Variants in SRGAP1 observed in about 807,000 individuals in gnomAD.
The protein encoded by SRGAP1 is SLIT-ROBO Rho GTPase-activating protein 1.
A neutral mutation model predicts 121.9 loss-of-function variants in SRGAP1; 43 were observed. The ratio of observed to expected loss-of-function variants is 0.35; its 90% confidence interval spans 0.28 to 0.46. The LOEUF is 0.46. SRGAP1 is among the 20% of genes least tolerant of loss of function. The probability of loss-of-function intolerance (pLI) is 1.00; values close to 1 mark genes in which losing one functional copy is unlikely to be tolerated. For synonymous variants in SRGAP1, 447 were observed against 485.4 expected, an observed-to-expected ratio of 0.92 and a Z score of 1.04; for missense variants, 1,102 against 1,350.9, an observed-to-expected ratio of 0.82 and a Z score of 2.89.
intron 18 of SRGAP1, among the ~76,000 whole-genome samples, chr12:64,123,647 T>G (rs544336867): frequency 0.065 from 3,122 of 48,124 alleles, 129 homozygotes; most frequent in African/African-American, 0.19. Flanking sequence ...CTAAAGGATT[T>G]ATTTATTTAT....
At chr12:63,931,068 TA>T (rs2031459932) in intron 1 of SRGAP1, among the ~76,000 whole-genome samples, 2 of 152,212 alleles carry the variant, frequency 1.3e-5, no homozygotes, top group Admixed American at 1.3e-4. Flanking sequence ...TCCAGTCACG[TA>T]AAGGGAATCT....
chr12:63,882,568 A>G (rs939957772), intron 1 of SRGAP1, among the ~76,000 whole-genome samples: 1 of 152,152 alleles, frequency 6.6e-6, no homozygotes, highest in Non-Finnish European at 1.5e-5. Context: ...ACAGGCGTGA[A>G]CTACCACGCC....
intron 1 of SRGAP1, among the ~76,000 whole-genome samples, chr12:63,861,192 T>TA (rs1314147377): frequency 7.0e-6 from 1 of 143,352 alleles, no homozygotes; most frequent in Non-Finnish European, 1.5e-5. Flanking sequence ...TTTTTTTTTT[T>TA]AATAGAGACA....
chr12:63,855,529 C>T (rs958202210), intron 1 of SRGAP1, among the ~76,000 whole-genome samples: 1 of 120,842 alleles, frequency 8.3e-6, no homozygotes, highest in Non-Finnish European at 1.6e-5. Flanking sequence ...ACTCTATCAG[C>T]CAGGCTAGGG....
chr12:64,142,562 C>A lies in SRGAP1; in HGVS notation c.3148C>A (p.Leu1050Met). Residue 1050 changes from leucine (L) to methionine (M), a missense_variant, in exon 22 of 22, where the codon CTG (leucine) becomes ATG (methionine). Around this residue, in one of 3 missense-constraint regions of SRGAP1, gnomAD observed 315 missense variants for 343.1 expected, o/e 0.92. Coordinates refer to ENST00000355086, the MANE Select transcript of SRGAP1 (RefSeq NM_020762.4). Reference sequence around the variant, plus strand: ...GGTGGCACCCAGAATGGGCGTGCAGCTGAAGCCTCCAGCCCTTAGGCCAAA... The same window carrying A: ...GGTGGCACCCAGAATGGGCGTGCAGATGAAGCCTCCAGCCCTTAGGCCAAA... Reference protein sequence around the residue: ...PMVAPRMGVQLKPPALRPKPA... With the variant: ...PMVAPRMGVQMKPPALRPKPA... 6.2e-7 allele frequency: 1 copy of A among 1,614,234 alleles called. No individual in the cohort carries two copies.
intron 1 of SRGAP1, among the ~76,000 whole-genome samples, chr12:63,925,317 C>A (rs944963909): frequency 1.3e-5 from 2 of 152,114 alleles, no homozygotes; most frequent in African/African-American, 4.8e-5. Context: ...AAATGCTAAG[C>A]TTTTACACTT....
intron 1 of SRGAP1, chr12:63,879,125 C>T (rs1213152490): frequency 6.6e-6 from 1 of 152,162 alleles, no homozygotes; most frequent in Non-Finnish European, 1.5e-5. Context: ...CCACCTCAGC[C>T]TCCTGAACAG....
At chr12:63,899,336 C>T (rs61937067) in intron 1 of SRGAP1, among the ~76,000 whole-genome samples, 1 of 149,230 alleles carries the variant, frequency 6.7e-6, no homozygotes, top group African/African-American at 2.5e-5. Context: ...GATCCTGTCT[C>T]CAAAAAAAAA....
At chr12:64,077,021 A>T (rs1392773434) in intron 8 of SRGAP1, among the ~76,000 whole-genome samples, 1 of 152,228 alleles carries the variant, frequency 6.6e-6, no homozygotes, top group African/African-American at 2.4e-5. Flanking sequence ...TATGAAAAAC[A>T]TCACACAAAT....
At chr12:63,947,157 G>A (rs528743544) in intron 1 of SRGAP1, among the ~76,000 whole-genome samples, 5 of 152,306 alleles carry the variant, frequency 3.3e-5, no homozygotes, top group African/African-American at 1.2e-4. Flanking sequence ...GTACTTAGGA[G>A]TAGAATAGCC....
chr12:64,127,866 G>A lies in SRGAP1; in HGVS notation c.2546G>A (p.Arg849Gln), dbSNP rs766317341. 5.7e-5 allele frequency: 92 copies of A among 1,608,232 alleles called. No homozygotes were observed. The highest frequency in any genetic ancestry group is 7.6e-5 in the Non-Finnish European group (90 of 1,176,504). The change falls in exon 21 of 22, where the codon CGA becomes CAA. Residue 849 changes from arginine (R) to glutamine (Q), a missense_variant. Physicochemically the swap from Arg to Gln is conservative, Grantham distance 43. Around this residue, in one of 3 missense-constraint regions of SRGAP1, gnomAD observed 315 missense variants for 343.1 expected, o/e 0.92. Coordinates refer to ENST00000355086, the MANE Select transcript of SRGAP1 (RefSeq NM_020762.4). ...CTGTTTCTGTGAATGTCTAGGCAACGAAAAAGAGGAGAGCCACCCCCTCCA... is the reference window on the plus strand; with the variant it reads ...CTGTTTCTGTGAATGTCTAGGCAACAAAAAAGAGGAGAGCCACCCCCTCCA... ...RHPDGYLARQ[R>Q]KRGEPPPPVR...
At chr12:64,062,808 G>A (rs2035473519) in intron 6 of SRGAP1, 109 bp from the exon 7 acceptor site, 2 of 731,826 alleles carry the variant, frequency 2.7e-6, no homozygotes, top group South Asian at 1.9e-5. Flanking sequence ...TGTCATGAAA[G>A]CTTACCCCCA....
At chr12:64,006,684 A>G (rs1416146028) in intron 3 of SRGAP1, among the ~76,000 whole-genome samples, 1 of 152,160 alleles carries the variant, frequency 6.6e-6, no homozygotes, top group African/African-American at 2.4e-5. Context: ...TTATCCTATC[A>G]TGTGAGTTGT....
intron 1 of SRGAP1, among the ~76,000 whole-genome samples, chr12:63,892,801 A>G (rs1412153920): frequency 6.6e-6 from 1 of 152,228 alleles, no homozygotes; most frequent in Non-Finnish European, 1.5e-5. Flanking sequence ...TAGATGCCTC[A>G]ATTCGGAGTG....
chr12:63,982,510 T>C (rs536367741), intron 1 of SRGAP1: 2 of 152,378 alleles, frequency 1.3e-5, no homozygotes, highest in Admixed American at 6.5e-5. Context: ...ACCTTATTCA[T>C]GGACTTGCTG....
intron 1 of SRGAP1, among the ~76,000 whole-genome samples, chr12:63,965,058 A>T (rs2136384438): frequency 6.6e-6 from 1 of 152,218 alleles, no homozygotes; most frequent in East Asian, 1.9e-4. Context: ...TAATTAGGGG[A>T]CCTTTTTGAA....
At chr12:63,894,448 T>TGCTCCTTCAGGTA (rs1227253448) in intron 1 of SRGAP1, among the ~76,000 whole-genome samples, 51 of 152,152 alleles carry the variant, frequency 3.4e-4, no homozygotes, top group African/African-American at 1.2e-3. Context: ...CTACCCCAAA[T>TGCTCCTTCAGGTA]GCTCCTTCAG....
intron 7 of SRGAP1, among the ~76,000 whole-genome samples, chr12:64,063,442 TG>T (rs1402494036): frequency 1.3e-5 from 2 of 152,220 alleles, no homozygotes; most frequent in Non-Finnish European, 2.9e-5. Context: ...GGCATTTTGC[TG>T]GTCTGATAGA....
chr12:63,944,041 C>G (rs749060971), intron 1 of SRGAP1, among the ~76,000 whole-genome samples: 15 of 152,126 alleles, frequency 9.9e-5, no homozygotes, highest in Non-Finnish European at 1.8e-4. Flanking sequence ...TTGAGCTCAG[C>G]TGGTAAGGAG....
Sources: allele counts gnomAD v4.1 joint callset (sites outside exome capture counted in the v4.1 genomes callset), GRCh38; gene constraint gnomAD v4.1.1; regional missense constraint gnomAD v4.1.1; transcripts MANE v1.5; gene names NCBI Gene and HGNC (gene_info 2026-07-23, HGNC 2026-07-21).